Variants in CPSF1 observed in about 807,000 individuals in gnomAD.
CPSF1 encodes cleavage and polyadenylation specificity factor subunit 1.
In CPSF1, 106 loss-of-function variants were observed where a neutral mutation model predicts 175.8. The ratio of observed to expected loss-of-function variants is 0.60; its 90% confidence interval spans 0.52 to 0.71. The LOEUF (loss-of-function observed/expected upper bound fraction) is 0.71, where lower values mean the gene tolerates loss of function less well. Ranked by LOEUF, CPSF1 falls within the 30% of genes least tolerant of loss-of-function variation. The pLI, the probability that CPSF1 is intolerant of heterozygous loss-of-function variation, is 0.00. For missense variants in CPSF1, 1,734 were observed against 2,022.9 expected (o/e 0.86, Z 2.74); for synonymous variants, 1,024 against 858.3 (o/e 1.19, Z -3.37).
chr8:144,394,354 A>C, intron 32 of CPSF1, 25 bp downstream of exon 32: 4 of 1,591,116 alleles, frequency 2.5e-6, no homozygotes, highest in Non-Finnish European at 3.4e-6. Flanking sequence ...CCACCCAGAC[A>C]CGAGCACCGC....
At position 144,395,201 on chromosome 8, in the gene CPSF1, A is replaced by T. The variant is rs782069746; in HGVS notation, c.3188-19T>A. The T allele has an allele frequency of 6.2e-7, 1 of 1,612,814 alleles. No homozygotes were observed. Reference sequence around the variant, plus strand: ...CGCTCATCTGTGGGGACCAAGGGTGACAGTCAGAGTAGGGCTTCCCCAAGA... The same window carrying T: ...CGCTCATCTGTGGGGACCAAGGGTGTCAGTCAGAGTAGGGCTTCCCCAAGA... On this transcript the variant is annotated intron_variant, in intron 28 of 37. Transcript: ENST00000616140.
chr8:144,396,098 T>G, intron 26 of CPSF1: 1 of 548,870 alleles, frequency 1.8e-6, no homozygotes, highest in Non-Finnish European at 3.3e-6. Flanking sequence ...TGCGAGGGCT[T>G]GCCCGGCGAG....
rs2116855054 is a variant in CPSF1, at chr8:144,398,794, C to T, written c.1623G>A (p.Pro541=). The T allele has an allele frequency of 5.6e-6, 9 of 1,600,728 alleles. No homozygotes were observed. The highest frequency in any genetic ancestry group is 3.4e-5 in the Admixed American group (2 of 59,458). ...GCYDMWTVIA[P]VRKEEEDNPK... ...TCGCACCTACCTCCTCCTTACGCACCGGGGCGATGACTGTCCACATGTCAT... is the reference window on the plus strand; with the variant it reads ...TCGCACCTACCTCCTCCTTACGCACTGGGGCGATGACTGTCCACATGTCAT... Residue 541 remains proline, a synonymous_variant, in exon 17 of 38, where the codon CCG becomes CCA. Coordinates refer to ENST00000616140, the MANE Select transcript of CPSF1 (RefSeq NM_013291.3).
Position 144,396,847 on chromosome 8 carries a change from A to G in CPSF1, c.2675T>C (p.Phe892Ser). ...QLGQGNLKVRFKKVPHNINFR... is the reference protein window; with the variant it reads ...QLGQGNLKVRSKKVPHNINFR... ...CAGTCCAGCCACTGGCACCTTCTTA[A>G]AGCGGACTTTGAGATTGCCCTGGCC... The change falls in exon 24 of 38, where the codon TTT (phenylalanine) becomes TCT (serine). Residue 892 changes from phenylalanine (F) to serine (S), a missense_variant. Transcript: ENST00000616140. The G allele has an allele frequency of 6.2e-7, 1 of 1,613,896 alleles. No individual in the cohort carries two copies. Among genetic ancestry groups the G allele is most frequent in the Non-Finnish European group, 8.5e-7 (1 of 1,179,932 alleles).
rs576986679 is a variant in CPSF1 at position 144,396,255 on chromosome 8, G to A, written c.2979+93C>T. On this transcript the variant is annotated intron_variant, in intron 26 of 37. Coordinates refer to ENST00000616140, the MANE Select transcript of CPSF1 (RefSeq NM_013291.3). ...TGGACACTCCTTCCTGGTCCTCAGG[G>A]TGGAGCCAATGGTCCCTTCTCCTGT... is the stretch of plus-strand genomic sequence containing the variant. 19 of 1,308,152 alleles carry A rather than the reference G, an allele frequency of 1.5e-5. No homozygotes were observed. In the Admixed American group the frequency reaches 2.8e-4, roughly 19 times the overall value. The allele number at this position is 1,308,152 out of a possible 1,614,324, so 81.0% of individuals were successfully genotyped here. A position where few individuals can be genotyped will look rare whatever the true frequency, so the allele number is the denominator to read the frequency against.
chr8:144,396,659 G>A lies in CPSF1; in HGVS notation c.2765C>T (p.Ala922Val). Residue 922 changes from alanine to valine, a missense_variant, in exon 25 of 38, where the codon GCT becomes GTT. By Grantham distance (64) the Ala-to-Val change is moderately conservative. Transcript: ENST00000616140. ...ACGCGCCACGCGGCCCCGGGCCCCA[G>A]CCCCCTCCTCTGCGCCGCCACCTTC... is the stretch of plus-strand genomic sequence containing the variant. ...KAEGGGAEEGAGARGRVARFR... is the reference protein window; with the variant it reads ...KAEGGGAEEGVGARGRVARFR... The A allele has an allele frequency of 6.2e-7, 1 of 1,613,820 alleles. No individual in the cohort carries two copies. Among genetic ancestry groups the A allele is most frequent in the South Asian group, 1.1e-5 (1 of 91,082 alleles).
rs782748818 is a variant in CPSF1, at chr8:144,396,888, G to A, written c.2634C>T (p.Pro878=). 2 of 1,613,914 alleles carry A rather than the reference G, an allele frequency of 1.2e-6. No homozygotes were observed. Among genetic ancestry groups the A allele is most frequent in the Non-Finnish European group, 8.5e-7 (1 of 1,179,948 alleles). Residue 878 remains proline (P), a synonymous_variant, in exon 24 of 38, where the codon CCC becomes CCT. Transcript: ENST00000616140. ...TGCCCTGGCCGAGCTGAGAGTCGTGGGGGAAGGCCTCGTAGATAAGCAGCT... is the reference window on the plus strand; with the variant it reads ...TGCCCTGGCCGAGCTGAGAGTCGTGAGGGAAGGCCTCGTAGATAAGCAGCT... The part of the protein sequence containing the change: ...DQELLIYEAF[P]HDSQLGQGNL...
rs1554862818 is a variant in CPSF1 at position 144,394,521 on chromosome 8, G to A, written c.3602C>T (p.Thr1201Met). 1 of 1,609,930 alleles carries A rather than the reference G, an allele frequency of 6.2e-7. No homozygotes were observed. Among genetic ancestry groups the A allele is most frequent in the Non-Finnish European group, 8.5e-7 (1 of 1,178,814 alleles). ...FLWSLRASEL[T>M]GMAFIDTQLY... The stretch of plus-strand genomic sequence containing the variant: ...CTGCGTGTCGATGAAGGCCATGCCC[G>A]TCAGCTCGCTGGCCCGCAGGCTCCA... Residue 1201 changes from threonine to methionine, a missense_variant, in exon 32 of 38, where the codon ACG becomes ATG. Thr to Met is a moderately conservative substitution (Grantham distance 81). This residue lies in a region of CPSF1 where 62 missense variants were observed against 124.5 expected (regional missense o/e 0.50). Transcript: ENST00000616140.
intron 7 of CPSF1, 69 bp from the exon 8 acceptor site, chr8:144,400,562 G>T: frequency 1.2e-6 from 2 of 1,607,514 alleles, no homozygotes. Flanking sequence ...CTCCTCCCGA[G>T]CAAGCCCCAC....
At chr8:144,398,745 T>C in intron 17 of CPSF1, 34 bp downstream of exon 17, 1 of 1,589,346 alleles carries the variant, frequency 6.3e-7, no homozygotes, top group Non-Finnish European at 8.6e-7. Context: ...GCCGGTCCCA[T>C]CCCAGGGCCT....
chr8:144,403,912 A>G (rs1370548010), intron 2 of CPSF1, among the ~76,000 whole-genome samples: 1 of 151,638 alleles, frequency 6.6e-6, no homozygotes, highest in Non-Finnish European at 1.5e-5. Context: ...GGAGTGAAAC[A>G]TTACAAGTTT....
chr8:144,398,656 G>A lies in CPSF1; in HGVS notation c.1639-18C>T, dbSNP rs1178153847. On this transcript the variant is annotated intron_variant, in intron 17 of 37. Transcript: ENST00000616140. ...TTGTCCTCCTGTCAGGGCCAAAGGGGGGCAGGCTGGAAGCCACAGTCCAGT... is the reference window on the plus strand; with the variant it reads ...TTGTCCTCCTGTCAGGGCCAAAGGGAGGCAGGCTGGAAGCCACAGTCCAGT... 1.2e-6 allele frequency: 2 copies of A among 1,612,800 alleles called. No homozygotes were observed. The highest frequency in any genetic ancestry group is 1.7e-6 in the Non-Finnish European group (2 of 1,179,392).
At chr8:144,404,032 T>C (rs1821362404) in intron 2 of CPSF1, among the ~76,000 whole-genome samples, 1 of 151,220 alleles carries the variant, frequency 6.6e-6, no homozygotes, top group South Asian at 2.1e-4. Flanking sequence ...CTAGCCAACA[T>C]GGTGACATAG....
chr8:144,394,952 G>C lies in CPSF1; in HGVS notation c.3344C>G (p.Ser1115Trp). 3 of 1,613,012 alleles carry C rather than the reference G, an allele frequency of 1.9e-6. No homozygotes were observed. Among genetic ancestry groups the C allele is most frequent in the Non-Finnish European group, 2.5e-6 (3 of 1,179,942 alleles). ...GGCGGCCACGTAGCCTTTGAGGCCC[G>C]ACACGGTCTCCTCACTGCGCAGAGA... ...TVSLRSEETVSGLKGYVAAGT... is the reference protein window; with the variant it reads ...TVSLRSEETVWGLKGYVAAGT... The change falls in exon 30 of 38, where the codon TCG becomes TGG. Residue 1115 changes from serine (S) to tryptophan (W), a missense_variant. By Grantham distance (177) the Ser-to-Trp change is radical. Around this residue, in one of 10 missense-constraint regions of CPSF1, gnomAD observed 585 missense variants for 584.7 expected, o/e 1.00. Transcript: ENST00000616140.
In CPSF1 at chr8:144,394,145, C is replaced by G. The variant is rs781853967; in HGVS notation, c.3827G>C (p.Arg1276Pro). The G allele has an allele frequency of 6.2e-7, 1 of 1,612,752 alleles. No individual in the cohort carries two copies. The highest frequency in any genetic ancestry group is 8.5e-7 in the Non-Finnish European group (1 of 1,179,902). ...CAGGTACATGTACACCATGAGGTTG[C>G]GGTCGCGGTCAGACACTGGGGAGCA... ...QLGFLVSDRD[R>P]NLMVYMYLPE... Residue 1276 changes from arginine (R) to proline (P), a missense_variant, in exon 34 of 38, where the codon CGC (arginine) becomes CCC (proline). Around this residue, in one of 10 missense-constraint regions of CPSF1, gnomAD observed 323 missense variants for 338.5 expected, o/e 0.95. Transcript: ENST00000616140.
rs782001473 is a variant in CPSF1, at chr8:144,394,573, G to A, written c.3568-18C>T. On this transcript the variant is annotated intron_variant, in intron 31 of 37. Transcript: ENST00000616140. ...AGGAAAATCTGGGGGCGAGGGCGAGGGTGAGCGGGCGCGGACGGGGAGCCG... is the reference window on the plus strand; with the variant it reads ...AGGAAAATCTGGGGGCGAGGGCGAGAGTGAGCGGGCGCGGACGGGGAGCCG... The A allele has an allele frequency of 4.4e-6, 7 of 1,606,698 alleles. No individual in the cohort carries two copies. Among genetic ancestry groups the A allele is most frequent in the Non-Finnish European group, 5.9e-6 (7 of 1,177,044 alleles).
At chr8:144,401,612 C>G in intron 3 of CPSF1, 34 bp downstream of exon 3, 1 of 1,612,144 alleles carries the variant, frequency 6.2e-7, no homozygotes, top group Non-Finnish European at 8.5e-7. Flanking sequence ...ATGCCTGGCA[C>G]CCGCACAGCC....
Position 144,395,037 on chromosome 8 carries a change from G to C in CPSF1, c.3273-14C>G, listed in dbSNP as rs2130754733. The C allele has an allele frequency of 6.2e-7, 1 of 1,605,756 alleles. No individual in the cohort carries two copies. Among genetic ancestry groups the C allele is most frequent in the Non-Finnish European group, 8.5e-7 (1 of 1,174,970 alleles). On this transcript the variant is annotated splice_polypyrimidine_tract_variant and intron_variant, in intron 29 of 37. Coordinates refer to ENST00000616140, the MANE Select transcript of CPSF1 (RefSeq NM_013291.3). ...TGCAGCTCGATCCTGTGGGGGCCAGGGGCCTCAGGATGCTGCCTGGAGGCC... is the reference window on the plus strand; with the variant it reads ...TGCAGCTCGATCCTGTGGGGGCCAGCGGCCTCAGGATGCTGCCTGGAGGCC...
rs1586634531 is a variant in CPSF1, at chr8:144,404,575, G to A, written c.145-2902C>T. 4.0e-5 allele frequency among the ~76,000 whole-genome samples: 6 copies of A among 149,490 alleles called. No individual in the cohort carries two copies. The South Asian group carries it at 1.3e-3, about 32-fold the overall frequency. On this transcript the variant is annotated intron_variant, in intron 2 of 37. Coordinates refer to ENST00000616140, the MANE Select transcript of CPSF1 (RefSeq NM_013291.3). Reference sequence around the variant, plus strand: ...AGTAGACTCGGGGTTTCACCATCTTGGACAGGCTGGTCTTGAACTCCTGAG... The same window carrying A: ...AGTAGACTCGGGGTTTCACCATCTTAGACAGGCTGGTCTTGAACTCCTGAG...
Sources: allele counts gnomAD v4.1 joint callset (sites outside exome capture counted in the v4.1 genomes callset), GRCh38; gene constraint gnomAD v4.1.1; regional missense constraint gnomAD v4.1.1; transcripts MANE v1.5; gene names NCBI Gene and HGNC (gene_info 2026-07-23, HGNC 2026-07-21).